DRAXIN: variants seen among roughly 807,000 people sequenced by gnomAD.
DRAXIN encodes the protein dorsal repulsive axon guidance protein.
Under a neutral mutation model 33.9 loss-of-function variants are expected in DRAXIN, and 27 were observed. That is an observed-to-expected ratio of 0.80 (90% CI 0.59 to 1.10). DRAXIN has a LOEUF of 1.10. Among genes scored for constraint, DRAXIN ranks in the 50% least tolerant of loss-of-function variants. The pLI is 0.00. For missense variants in DRAXIN, 371 were observed against 460.8 expected (o/e 0.81, Z 1.78); for synonymous variants, 178 against 194.0 (o/e 0.92, Z 0.69).
At chr1:11,713,518 C>T (rs1037047220) in intron 5 of DRAXIN, among the ~76,000 whole-genome samples, 31 of 152,228 alleles carry the variant, frequency 2.0e-4, no homozygotes, top group African/African-American at 7.0e-4. Flanking sequence ...AGAAGCCGGA[C>T]GTTGTAACTA....
At chr1:11,699,064 T>C (rs1641233688) in intron 1 of DRAXIN, among the ~76,000 whole-genome samples, 1 of 152,078 alleles carries the variant, frequency 6.6e-6, no homozygotes, top group Non-Finnish European at 1.5e-5. Context: ...CTGTCACCCC[T>C]CCCCATAGGG....
At position 11,704,755 on chromosome 1, in the gene DRAXIN, A is replaced by T. The variant is rs1247104606; in HGVS notation, c.-10-1494A>T. Among the ~76,000 whole-genome samples the T allele has an allele frequency of 2.6e-5, 4 of 152,182 alleles. No individual in the cohort carries two copies. The highest frequency in any genetic ancestry group is 4.4e-5 in the Non-Finnish European group (3 of 68,030). Reference sequence around the variant, plus strand: ...TTCAGCCAGATCCCCGGGATAGGGGACAAGATGGAAAGTGACGGCCACCTC... The same window carrying T: ...TTCAGCCAGATCCCCGGGATAGGGGTCAAGATGGAAAGTGACGGCCACCTC... On this transcript the variant is annotated intron_variant, in intron 1 of 6. Coordinates refer to ENST00000294485, the MANE Select transcript of DRAXIN (RefSeq NM_198545.4). The surrounding 1 kb of genome is among the most constrained non-coding windows in gnomAD (Gnocchi z 4.6).
chr1:11,715,082 C>T (rs1160712843), intron 5 of DRAXIN, 37 bp from the exon 6 acceptor site: 22 of 1,611,806 alleles, frequency 1.4e-5, no homozygotes, highest in Admixed American at 3.3e-5. Flanking sequence ...AGGGGCGGCT[C>T]AGCTTGGCTG....
chr1:11,692,659 C>T lies in DRAXIN; in HGVS notation c.-11+806C>T, dbSNP rs1421516599. On this transcript the variant is annotated intron_variant, in intron 1 of 6. Transcript: ENST00000294485. This position sits in a 1 kb window ranked among gnomAD's most constrained non-coding sequence, Gnocchi z 5.8. ...CTTTCTTGCTTTCCTCAGCTGGGTG[C>T]TCCCTGGGCCATCCTCTCCGCCCGG... Among the ~76,000 whole-genome samples, 1 of 152,202 alleles carries T rather than the reference C, an allele frequency of 6.6e-6. No homozygotes were observed. Among genetic ancestry groups the T allele is most frequent in the Non-Finnish European group, 1.5e-5 (1 of 68,040 alleles).
chr1:11,717,864 G>A (rs1403005607), intron 6 of DRAXIN, among the ~76,000 whole-genome samples: 5 of 149,858 alleles, frequency 3.3e-5, no homozygotes, highest in South Asian at 4.2e-4. Context: ...GTGTGGTGGC[G>A]CACACCCATA....
rs1980486 is a variant in DRAXIN at position 11,714,958 on chromosome 1, C to T, written c.848-161C>T. On this transcript the variant is annotated intron_variant, in intron 5 of 6. Transcript: ENST00000294485. ...TTGGGGGCCTCGGCCATGACATCTC[C>T]CTGTGGTTCCACTCAGGAGCCTTGC... 8.6e-4 allele frequency among the ~76,000 whole-genome samples: 131 copies of T among 152,384 alleles called. 4 individuals carry two copies. The East Asian group carries it at 0.025, about 29-fold the overall frequency.
At chr1:11,711,349 G>C (rs1004561562) in intron 3 of DRAXIN, among the ~76,000 whole-genome samples, 1 of 138,566 alleles carries the variant, frequency 7.2e-6, no homozygotes, top group East Asian at 2.2e-4. Context: ...TCCAGCTATT[G>C]CTGAGGACCT....
Position 11,694,150 on chromosome 1 carries a change from G to T in DRAXIN, c.-11+2297G>T, listed in dbSNP as rs1007796212. On this transcript the variant is annotated intron_variant, in intron 1 of 6. Transcript: ENST00000294485. This position sits in a 1 kb window ranked among gnomAD's most constrained non-coding sequence, Gnocchi z 4.9. ...CACGGCATAATCCCTATCTGGGAGG[G>T]GTCTGCTCCTCCCTGGGTGGGGGCT... 6.6e-6 allele frequency among the ~76,000 whole-genome samples: 1 copy of T among 152,168 alleles called. No homozygotes were observed. Among genetic ancestry groups the T allele is most frequent in the African/African-American group, 2.4e-5 (1 of 41,512 alleles).
upstream of DRAXIN, chr1:11,691,321 GC>G (rs933498737): frequency 1.3e-5 from 2 of 152,050 alleles, no homozygotes; most frequent in Admixed American, 1.3e-4. Flanking sequence ...TTTGTCGCCC[GC>G]CCTGCGCGGG....
chr1:11,703,290 C>G lies in DRAXIN; in HGVS notation c.-10-2959C>G, dbSNP rs570290020. ...GCGGAGAGCACATGGAGTCAGGGGA[C>G]TGAACAAGGCTTCCTGGAGGAAGGG... On this transcript the variant is annotated intron_variant, in intron 1 of 6. Transcript: ENST00000294485. Among the ~76,000 whole-genome samples, 108 of 152,320 alleles carry G rather than the reference C, an allele frequency of 7.1e-4. 1 individual carries two copies. The highest frequency in any genetic ancestry group is 2.5e-3 in the African/African-American group (102 of 41,586).
upstream of DRAXIN, among the ~76,000 whole-genome samples, chr1:11,690,690 G>A (rs1207072938): frequency 6.6e-6 from 1 of 152,222 alleles, no homozygotes; most frequent in South Asian, 2.1e-4. The surrounding 1 kb of genome is among the most constrained non-coding windows in gnomAD (Gnocchi z 4.2). Context: ...ACATATGGGA[G>A]TCCGGCCCCA....
chr1:11,695,659 A>G (rs1641180924), intron 1 of DRAXIN, among the ~76,000 whole-genome samples: 1 of 152,064 alleles, frequency 6.6e-6, no homozygotes, highest in South Asian at 2.1e-4. Context: ...AATAATGCCT[A>G]TAAAGCTCTG....
upstream of DRAXIN, among the ~76,000 whole-genome samples, chr1:11,689,141 C>T (rs181610964): frequency 2.6e-4 from 39 of 152,084 alleles, no homozygotes; most frequent in East Asian, 7.0e-3. Flanking sequence ...ACTAAAAATA[C>T]AAAAAATTAG....
At position 11,712,462 on chromosome 1, in the gene DRAXIN, G is replaced by T. The variant is rs766513572; in HGVS notation, c.847+33G>T. On this transcript the variant is annotated intron_variant, in intron 5 of 6. Coordinates refer to ENST00000294485, the MANE Select transcript of DRAXIN (RefSeq NM_198545.4). ...CCAGCACCCACATTCAAGGCACCAG[G>T]CTGGGTACTGGGAGGGAACCTGGGT... 1.9e-6 allele frequency: 3 copies of T among 1,613,010 alleles called. No homozygotes were observed. In the African/African-American group the frequency reaches 4.0e-5, roughly 22 times the overall value.
rs1396502215 is a variant in DRAXIN at position 11,724,831 on chromosome 1, T to C, written c.*5135T>C. The C allele has an allele frequency of 6.6e-6, 1 of 152,326 alleles. No homozygotes were observed. Among genetic ancestry groups the C allele is most frequent in the Admixed American group, 6.5e-5 (1 of 15,288 alleles). The allele number at this position is 152,326 out of a possible 1,614,324, so 9.4% of individuals were successfully genotyped here. A position where few individuals can be genotyped will look rare whatever the true frequency, so the allele number is the denominator to read the frequency against. On this transcript the variant is annotated 3_prime_UTR_variant, in exon 7 of 7. Coordinates refer to ENST00000294485, the MANE Select transcript of DRAXIN (RefSeq NM_198545.4). Reference sequence around the variant, plus strand: ...TTTCACGGGGTTGGACTGAGCCCTGTCACCTCTGTGATAGTCTTCACTCTG... The same window carrying C: ...TTTCACGGGGTTGGACTGAGCCCTGCCACCTCTGTGATAGTCTTCACTCTG...
chr1:11,713,197 T>C (rs1429422756), intron 5 of DRAXIN, among the ~76,000 whole-genome samples: 1 of 112,448 alleles, frequency 8.9e-6, no homozygotes, highest in Non-Finnish European at 1.7e-5. Context: ...AAATTCCGTC[T>C]CAAAAAAAAA....
chr1:11,709,250 C>G (rs753776868), intron 2 of DRAXIN, 25 bp from the exon 3 acceptor site: 21 of 1,589,286 alleles, frequency 1.3e-5, no homozygotes, highest in Non-Finnish European at 1.7e-5. Flanking sequence ...GATATAGCCC[C>G]CGTGCTCCCC....
intron 1 of DRAXIN, among the ~76,000 whole-genome samples, chr1:11,703,039 G>A (rs893810432): frequency 6.6e-6 from 1 of 152,184 alleles, no homozygotes; most frequent in Non-Finnish European, 1.5e-5. Context: ...AACTGTGCCC[G>A]GCCTGATACA....
intron 3 of DRAXIN, among the ~76,000 whole-genome samples, chr1:11,710,496 A>AG (rs373047356): frequency 2.1e-4 from 32 of 151,860 alleles, no homozygotes; most frequent in East Asian, 3.9e-4. Flanking sequence ...CCCTGTCTCA[A>AG]GGGAAAAAAA....
Sources: gnomAD v4.1 joint callset for allele counts (sites outside exome capture counted in the v4.1 genomes callset) on GRCh38, gnomAD v4.1.1 for gene constraint, Gnocchi (gnomAD v3.1) non-coding constraint, MANE v1.5 for transcripts, NCBI Gene and HGNC (gene_info 2026-07-23, HGNC 2026-07-21) for gene names.